Variants in CSMD3 observed in about 807,000 individuals in gnomAD.
The protein encoded by CSMD3 is CUB and Sushi multiple domains 3.
In CSMD3, 177 loss-of-function variants were observed where a neutral mutation model predicts 435.2. The ratio of observed to expected loss-of-function variants is 0.41; its 90% CI spans 0.36 to 0.46. The LOEUF (loss-of-function observed/expected upper bound fraction) is 0.46. Among genes scored for constraint, CSMD3 ranks in the 20% least tolerant of loss-of-function variants. The pLI, the probability that CSMD3 is intolerant of heterozygous loss-of-function variation, is 0.34. For missense variants in CSMD3, 4,265 were observed against 4,504.6 expected, an observed-to-expected ratio of 0.95 and a Z score of 1.52; for synonymous variants, 1,656 against 1,520.5, an observed-to-expected ratio of 1.09 and a Z score of -2.07.
intron 7 of CSMD3, among the ~76,000 whole-genome samples, chr8:112,966,234 A>AT (rs1212165591): frequency 6.6e-6 from 1 of 151,746 alleles, no homozygotes; most frequent in South Asian, 2.1e-4. Context: ...TAACCAGATA[A>AT]TTTTTTAAAA....
intron 11 of CSMD3, among the ~76,000 whole-genome samples, chr8:112,854,814 T>TGCTAGG (rs879738088): frequency 3.3e-5 from 5 of 152,120 alleles, no homozygotes; most frequent in Non-Finnish European, 7.4e-5. Context: ...AGCAAAAACT[T>TGCTAGG]CACCTGAGGC....
intron 69 of CSMD3, among the ~76,000 whole-genome samples, chr8:112,230,798 G>A (rs1049013518): frequency 1.3e-5 from 2 of 151,698 alleles, no homozygotes; most frequent in African/African-American, 4.8e-5. Context: ...GGTGACAAGA[G>A]CATGACTCTG....
At chr8:113,039,512 T>TA (rs1474354080) in intron 5 of CSMD3, among the ~76,000 whole-genome samples, 2 of 152,184 alleles carry the variant, frequency 1.3e-5, no homozygotes, top group East Asian at 1.9e-4. Flanking sequence ...TTTATTTATA[T>TA]AAAACATTAA....
At chr8:113,054,201 A>G (rs946133186) in intron 5 of CSMD3, among the ~76,000 whole-genome samples, 1 of 151,964 alleles carries the variant, frequency 6.6e-6, no homozygotes, top group Non-Finnish European at 1.5e-5. Context: ...CTCTTTTCCC[A>G]TTTTCCTTCT....
At chr8:113,417,227 A>G (rs1307899354) in intron 1 of CSMD3, among the ~76,000 whole-genome samples, 1 of 152,028 alleles carries the variant, frequency 6.6e-6, no homozygotes, top group Non-Finnish European at 1.5e-5. Flanking sequence ...ACATCCTTAC[A>G]TATGTAAAGT....
chr8:112,272,900 T>C (rs181580393), intron 59 of CSMD3, among the ~76,000 whole-genome samples: 4 of 152,330 alleles, frequency 2.6e-5, no homozygotes, highest in African/African-American at 9.6e-5. Context: ...GTTTGGATTG[T>C]TAATGGGGTG....
At chr8:113,421,959 T>G (rs764818926) in intron 1 of CSMD3, among the ~76,000 whole-genome samples, 1 of 152,158 alleles carries the variant, frequency 6.6e-6, no homozygotes, top group Non-Finnish European at 1.5e-5. Flanking sequence ...GACAACTTTA[T>G]TTTACAGCAA....
At chr8:113,144,701 C>T (rs778869699) in intron 4 of CSMD3, among the ~76,000 whole-genome samples, 23 of 151,316 alleles carry the variant, frequency 1.5e-4, no homozygotes, top group Non-Finnish European at 3.0e-4. Context: ...TACTTTAATG[C>T]CTTATGTCCC....
intron 4 of CSMD3, among the ~76,000 whole-genome samples, chr8:113,102,062 C>T (rs983831630): frequency 2.0e-5 from 3 of 152,102 alleles, no homozygotes; most frequent in African/African-American, 7.2e-5. Flanking sequence ...GAATCCAGTG[C>T]TGTGCTCTTT....
chr8:112,338,737 T>A (rs1212787509), intron 42 of CSMD3, among the ~76,000 whole-genome samples: 1 of 152,162 alleles, frequency 6.6e-6, no homozygotes, highest in Non-Finnish European at 1.5e-5. Context: ...TCTTAATGTG[T>A]CCTTTTCATT....
chr8:112,380,609 A>G (rs1829385600), intron 37 of CSMD3, among the ~76,000 whole-genome samples, 153 bp from the exon 38 acceptor site: 1 of 152,160 alleles, frequency 6.6e-6, no homozygotes, highest in Non-Finnish European at 1.5e-5. Flanking sequence ...TATTTTTCTC[A>G]CAATCCTCTT....
intron 10 of CSMD3, among the ~76,000 whole-genome samples, chr8:112,877,830 T>C (rs2081331571): frequency 6.6e-6 from 1 of 152,160 alleles, no homozygotes; most frequent in Admixed American, 6.6e-5. Context: ...GGATTCCTTA[T>C]TTAATAAATG....
At chr8:112,338,485 T>C (rs1319994652) in intron 42 of CSMD3, among the ~76,000 whole-genome samples, 3 of 152,160 alleles carry the variant, frequency 2.0e-5, no homozygotes, top group Non-Finnish European at 4.4e-5. Flanking sequence ...TCATAAAATA[T>C]CAATATTTGG....
chr8:112,630,966 A>G (rs1242183957), intron 22 of CSMD3, among the ~76,000 whole-genome samples: 1 of 150,176 alleles, frequency 6.7e-6, no homozygotes, highest in Admixed American at 6.7e-5. Context: ...ACACACACAC[A>G]CACACACACA....
At chr8:112,917,819 C>T (rs1475352076) in intron 10 of CSMD3, among the ~76,000 whole-genome samples, 1 of 151,962 alleles carries the variant, frequency 6.6e-6, no homozygotes, top group Non-Finnish European at 1.5e-5. Flanking sequence ...TTTTATCTCA[C>T]TCTACATCCT....
chr8:112,548,328 T>C lies in CSMD3; in HGVS notation c.4564+2343A>G, dbSNP rs183657541. 3.5e-3 allele frequency among the ~76,000 whole-genome samples: 539 copies of C among 152,226 alleles called. 2 individuals carry two copies. Among genetic ancestry groups the C allele is most frequent in the African/African-American group, 0.012 (517 of 41,544 alleles). ...TTGGAATTATAATCAGGAAACCAAATTGATTAAAATGTAGAACTCCATTGC... is the reference window on the plus strand; with the variant it reads ...TTGGAATTATAATCAGGAAACCAAACTGATTAAAATGTAGAACTCCATTGC... On this transcript the variant is annotated intron_variant, in intron 27 of 70. Transcript: ENST00000297405.
Position 113,349,648 on chromosome 8 carries a change from A to T in CSMD3, c.179-34855T>A, listed in dbSNP as rs547027135. Among the ~76,000 whole-genome samples the T allele has an allele frequency of 3.3e-5, 5 of 152,022 alleles. No individual in the cohort carries two copies. In the South Asian group the frequency reaches 1.0e-3, roughly 32 times the overall value. On this transcript the variant is annotated intron_variant, in intron 1 of 70. Transcript: ENST00000297405. Reference sequence around the variant, plus strand: ...AAAAATAATTAATTTTAATCCTTATATATCTATATTAAATTGTCTTTCTGA... The same window carrying T: ...AAAAATAATTAATTTTAATCCTTATTTATCTATATTAAATTGTCTTTCTGA...
At chr8:113,097,229 C>T (rs1333707775) in intron 5 of CSMD3, among the ~76,000 whole-genome samples, 1 of 151,984 alleles carries the variant, frequency 6.6e-6, no homozygotes, top group Non-Finnish European at 1.5e-5. Flanking sequence ...GGATTAGATG[C>T]TCTTTAAAAT....
intron 32 of CSMD3, among the ~76,000 whole-genome samples, chr8:112,411,836 T>C (rs1022127191): frequency 2.6e-5 from 4 of 152,088 alleles, no homozygotes; most frequent in African/African-American, 9.7e-5. Context: ...ATTTGCCTGG[T>C]TGAAAGTGAT....
Sources: allele counts gnomAD v4.1 joint callset (sites outside exome capture counted in the v4.1 genomes callset), GRCh38; gene constraint gnomAD v4.1.1; transcripts MANE v1.5; gene names NCBI Gene and HGNC (gene_info 2026-07-23, HGNC 2026-07-21).